Variants in MXI1 observed in about 807,000 individuals in gnomAD.
MXI1 encodes the protein max-interacting protein 1.
Under a neutral mutation model 36.9 loss-of-function variants are expected in MXI1, and 18 were observed. That is an observed-to-expected ratio of 0.49 (90% CI 0.34 to 0.72). The LOEUF (loss-of-function observed/expected upper bound fraction) is 0.72. Among genes scored for constraint, MXI1 ranks in the 30% least tolerant of loss-of-function variants. MXI1 has a pLI of 0.01. For synonymous variants in MXI1, 160 were observed against 146.7 expected, an observed-to-expected ratio of 1.09 and a Z score of -0.65; for missense variants, 304 against 379.1, an observed-to-expected ratio of 0.80 and a Z score of 1.64.
intron 3 of MXI1, among the ~76,000 whole-genome samples, chr10:110,263,266 G>C (rs1248314580): frequency 2.0e-5 from 3 of 152,180 alleles, no homozygotes; most frequent in Non-Finnish European, 4.4e-5. Context: ...CACATAGTGA[G>C]ATATTTGCTA....
chr10:110,265,170 C>T (rs1419008308), intron 3 of MXI1, among the ~76,000 whole-genome samples: 2 of 152,158 alleles, frequency 1.3e-5, no homozygotes, highest in Non-Finnish European at 2.9e-5. Flanking sequence ...ACAGGCCCAA[C>T]ATTGGTTAGG....
At chr10:110,221,647 T>A (rs2134338698) in intron 1 of MXI1, among the ~76,000 whole-genome samples, 1 of 152,316 alleles carries the variant, frequency 6.6e-6, no homozygotes, top group South Asian at 2.1e-4. Context: ...TAATAAAATG[T>A]AAGAAGCCCT....
intron 1 of MXI1, among the ~76,000 whole-genome samples, chr10:110,213,280 T>A (rs1854552742): frequency 6.6e-6 from 1 of 152,254 alleles, no homozygotes; most frequent in Admixed American, 6.5e-5. Flanking sequence ...CAACTAATGT[T>A]CAAGCTGGTC....
At position 110,285,099 on chromosome 10, in the gene MXI1, CAA is replaced by C; in HGVS notation, c.*115_*116del. The C allele has an allele frequency of 3.8e-6, 4 of 1,047,666 alleles. No homozygotes were observed. Among genetic ancestry groups the C allele is most frequent in the East Asian group, 5.7e-5 (2 of 35,272 alleles). The allele number at this position is 1,047,666 out of a possible 1,614,324, so 64.9% of individuals were successfully genotyped here. A position where few individuals can be genotyped will look rare whatever the true frequency, so the allele number is the denominator to read the frequency against. On this transcript the variant is annotated 3_prime_UTR_variant, in exon 6 of 6. Coordinates refer to ENST00000332674, the MANE Select transcript of MXI1 (RefSeq NM_130439.3). The stretch of plus-strand genomic sequence containing the variant: ...GTCTCCTCTTTAAAACAAAACAAAA[CAA>C]AACAAAACTATACTTGAACAAAAGG...
chr10:110,265,161 C>G (rs190315530), intron 3 of MXI1, among the ~76,000 whole-genome samples: 1 of 152,148 alleles, frequency 6.6e-6, no homozygotes, highest in Non-Finnish European at 1.5e-5. Flanking sequence ...GATGCTAGTA[C>G]AGGCCCAACA....
intron 1 of MXI1, chr10:110,226,373 G>A: frequency 3.0e-6 from 4 of 1,351,696 alleles, no homozygotes; most frequent in Non-Finnish European, 3.8e-6. Context: ...ACGCGTGTGA[G>A]GTGCGCGCAT....
In MXI1 at chr10:110,237,242, A is replaced by G. The variant is rs147449019; in HGVS notation, c.408-7586A>G. On this transcript the variant is annotated intron_variant, in intron 2 of 5. Transcript: ENST00000332674. The stretch of plus-strand genomic sequence containing the variant: ...GCTAGAACCTCTAGTACAGTGCTGG[A>G]TAGAAGTGATGAGAGTGGACATTCT... 3.3e-3 allele frequency among the ~76,000 whole-genome samples: 500 copies of G among 152,188 alleles called. 4 individuals carry two copies. The highest frequency in any genetic ancestry group is 0.011 in the African/African-American group (452 of 41,494).
intron 3 of MXI1, among the ~76,000 whole-genome samples, chr10:110,258,213 A>G (rs1027213493): frequency 1.3e-5 from 2 of 152,196 alleles, no homozygotes; most frequent in African/African-American, 4.8e-5. Flanking sequence ...TGGCAAATAA[A>G]AATGGTGGTT....
intron 1 of MXI1, among the ~76,000 whole-genome samples, chr10:110,222,218 G>A (rs1164794466): frequency 6.6e-6 from 1 of 152,140 alleles, no homozygotes; most frequent in Non-Finnish European, 1.5e-5. Context: ...TTCACCTCCC[G>A]TGTCCCCAGT....
Position 110,208,040 on chromosome 10 carries a change from G to A in MXI1, c.232G>A (p.Glu78Lys), listed in dbSNP as rs147367954. Residue 78 changes from glutamate (E) to lysine (K), a missense_variant, in exon 1 of 6, where the codon GAG (glutamate) becomes AAG (lysine). Physicochemically the swap from Glu to Lys is moderately conservative, Grantham distance 56. Coordinates refer to ENST00000332674, the MANE Select transcript of MXI1 (RefSeq NM_130439.3). ...TCTGCAGAACGTGCAGATTCTGCTC[G>A]AGGCCGCCAGCTACCTGGAGCAGAT... ...TFLQNVQILLEAASYLEQIEK... is the reference protein window; with the variant it reads ...TFLQNVQILLKAASYLEQIEK... 1.9e-6 allele frequency: 3 copies of A among 1,601,662 alleles called. No homozygotes were observed. The highest frequency in any genetic ancestry group is 2.6e-6 in the Non-Finnish European group (3 of 1,174,212).
chr10:110,240,887 G>A (rs1855648579), intron 2 of MXI1, among the ~76,000 whole-genome samples: 1 of 151,988 alleles, frequency 6.6e-6, no homozygotes, highest in African/African-American at 2.4e-5. Flanking sequence ...AAAATTAGAG[G>A]TCTTTTCTTT....
At chr10:110,231,036 C>T (rs902968154) in intron 2 of MXI1, among the ~76,000 whole-genome samples, 6 of 152,108 alleles carry the variant, frequency 3.9e-5, no homozygotes, top group African/African-American at 1.4e-4. Flanking sequence ...CTATTTTACC[C>T]CTGATATTCT....
chr10:110,227,243 G>T (rs1855074422), intron 1 of MXI1: 3 of 740,956 alleles, frequency 4.0e-6, no homozygotes, highest in Admixed American at 7.9e-5. Flanking sequence ...GGTGCGCGGG[G>T]GGGAGGGGCG....
intron 3 of MXI1, among the ~76,000 whole-genome samples, chr10:110,276,684 A>G (rs938177132): frequency 1.3e-5 from 2 of 152,180 alleles, no homozygotes; most frequent in African/African-American, 4.8e-5. Context: ...CATGTAATAA[A>G]TACATGGAAT....
rs1039703530 is a variant in MXI1, at chr10:110,227,417, A to C, written c.275-772A>C. ...GGGGGAGGTGCGAGGGTGCGCACGGAGGGTGGGGCTGTGGGTGTGCGGCGA... is the reference window on the plus strand; with the variant it reads ...GGGGGAGGTGCGAGGGTGCGCACGGCGGGTGGGGCTGTGGGTGTGCGGCGA... On this transcript the variant is annotated intron_variant, in intron 1 of 5. Transcript: ENST00000332674. 9 of 985,414 alleles carry C rather than the reference A, an allele frequency of 9.1e-6. No individual in the cohort carries two copies. In the African/African-American group the frequency reaches 1.6e-4, roughly 18 times the overall value. 61.0% of individuals were successfully genotyped at this position (985,414 alleles called of 1,614,324 possible). A position where few individuals can be genotyped will look rare whatever the true frequency, so the allele number is the denominator to read the frequency against.
At chr10:110,208,335 G>A (rs1661435418) in intron 1 of MXI1, 2 of 363,672 alleles carry the variant, frequency 5.5e-6, no homozygotes, top group Non-Finnish European at 1.0e-5. Context: ...GGGGCTGGGA[G>A]GATGGCCCAG....
At chr10:110,231,905 A>T (rs950668836) in intron 2 of MXI1, among the ~76,000 whole-genome samples, 2 of 151,774 alleles carry the variant, frequency 1.3e-5, no homozygotes, top group African/African-American at 4.8e-5. Context: ...CTATCCTCCT[A>T]ATCTCAGCTA....
chr10:110,236,058 T>C, intron 2 of MXI1, among the ~76,000 whole-genome samples: 1 of 151,496 alleles, frequency 6.6e-6, no homozygotes, highest in Non-Finnish European at 1.5e-5. Flanking sequence ...TATTAGGTTT[T>C]ACATTTAGAT....
intron 3 of MXI1, among the ~76,000 whole-genome samples, chr10:110,261,857 C>T (rs1392590081): frequency 1.3e-5 from 2 of 151,916 alleles, no homozygotes; most frequent in Non-Finnish European, 2.9e-5. Context: ...TAGGCATGAA[C>T]AAGAATAACA....
Sources: gnomAD v4.1 joint callset for allele counts (sites outside exome capture counted in the v4.1 genomes callset) on GRCh38, gnomAD v4.1.1 for gene constraint, MANE v1.5 for transcripts, NCBI Gene and HGNC (gene_info 2026-07-23, HGNC 2026-07-21) for gene names.